The following SGMS1 variants were observed in gnomAD, a reference collection of about 807,000 sequenced individuals.
SGMS1 encodes the protein phosphatidylcholine:ceramide cholinephosphotransferase 1.
In SGMS1, 13 loss-of-function variants were observed where a neutral mutation model predicts 46.2. That is an observed-to-expected ratio of 0.28 (90% CI 0.18 to 0.45). The LOEUF (loss-of-function observed/expected upper bound fraction) is 0.45. SGMS1 is among the 20% of genes least tolerant of loss of function. The pLI is 1.00. For missense variants in SGMS1, 324 were observed against 519.9 expected (o/e 0.62, Z 3.66); for synonymous variants, 203 against 187.8 (o/e 1.08, Z -0.66).
chr10:50,601,695 A>G (rs1453920552), intron 1 of SGMS1, among the ~76,000 whole-genome samples: 1 of 152,202 alleles, frequency 6.6e-6, no homozygotes, highest in Non-Finnish European at 1.5e-5. Context: ...AGGGCCTAAC[A>G]CTACTCATCA....
intron 1 of SGMS1, among the ~76,000 whole-genome samples, chr10:50,613,084 C>A (rs1252974094): frequency 6.6e-6 from 1 of 152,206 alleles, no homozygotes; most frequent in Non-Finnish European, 1.5e-5. Context: ...AGGCTTGTCT[C>A]TGCTGTCAGG....
At chr10:50,455,116 G>GATATTCTAGTGAA (rs1837175215) in intron 5 of SGMS1, among the ~76,000 whole-genome samples, 1 of 152,094 alleles carries the variant, frequency 6.6e-6, no homozygotes, top group African/African-American at 2.4e-5. Flanking sequence ...CAGGCATGAG[G>GATATTCTAGTGAA]TAGAGATATT....
At chr10:50,313,600 T>C (rs1847293046) in intron 8 of SGMS1, among the ~76,000 whole-genome samples, 1 of 152,266 alleles carries the variant, frequency 6.6e-6, no homozygotes, top group South Asian at 2.1e-4. Context: ...AGTTCTGTTA[T>C]AACAATGGAT....
At position 50,488,507 on chromosome 10, in the gene SGMS1, C is replaced by T. The variant is rs1025928621; in HGVS notation, c.-497-21575G>A. On this transcript the variant is annotated intron_variant, in intron 3 of 10. Coordinates refer to ENST00000361781, the MANE Select transcript of SGMS1 (RefSeq NM_147156.4). Reference sequence around the variant, plus strand: ...TTTATTCTTTTGAAGAAATTAATATCGGGCTTTTTAATCAGTGGTCTCTCT... The same window carrying T: ...TTTATTCTTTTGAAGAAATTAATATTGGGCTTTTTAATCAGTGGTCTCTCT... 3.3e-5 allele frequency among the ~76,000 whole-genome samples: 5 copies of T among 152,130 alleles called. No individual in the cohort carries two copies. The East Asian group carries it at 5.8e-4, about 18-fold the overall frequency.
intron 6 of SGMS1, among the ~76,000 whole-genome samples, chr10:50,391,334 G>T (rs758023343): frequency 6.6e-5 from 10 of 152,098 alleles, no homozygotes; most frequent in Non-Finnish European, 8.8e-5. Flanking sequence ...TGTGGGACTT[G>T]AACATGATAA....
At chr10:50,471,020 C>T (rs552685385) in intron 3 of SGMS1, among the ~76,000 whole-genome samples, 1 of 151,968 alleles carries the variant, frequency 6.6e-6, no homozygotes, top group Non-Finnish European at 1.5e-5. Flanking sequence ...CATAAAAATT[C>T]CCAAGAAATA....
chr10:50,624,630 C>T (rs1463062566), upstream of SGMS1: 1 of 985,242 alleles, frequency 1.0e-6, no homozygotes, highest in Non-Finnish European at 1.2e-6. Flanking sequence ...CTCCGAGCTG[C>T]GGCGAAAACC....
intron 1 of SGMS1, among the ~76,000 whole-genome samples, chr10:50,620,385 G>A (rs1838838005): frequency 6.6e-6 from 1 of 152,218 alleles, no homozygotes; most frequent in African/African-American, 2.4e-5. Flanking sequence ...CTCCAGAAGA[G>A]ACTGTTATGG....
At chr10:50,461,534 CT>C (rs1837264308) in intron 4 of SGMS1, among the ~76,000 whole-genome samples, 1 of 151,624 alleles carries the variant, frequency 6.6e-6, no homozygotes, top group African/African-American at 2.4e-5. Flanking sequence ...CTTTTTTTTC[CT>C]GTGATAATCT....
intron 6 of SGMS1, among the ~76,000 whole-genome samples, chr10:50,403,992 G>A (rs767599043): frequency 9.9e-5 from 15 of 151,776 alleles, no homozygotes; most frequent in African/African-American, 2.2e-4. Context: ...AAAGATAGAC[G>A]GTAACATGGG....
Position 50,343,850 on chromosome 10 carries a change from C to T in SGMS1, c.265G>A (p.Val89Ile), listed in dbSNP as rs760832061. Reference sequence around the variant, plus strand: ...CTGCCGTCGGGGGTGGGGATGTCTACGCCAATGTTGAGGTGCCCATTGGCA... The same window carrying T: ...CTGCCGTCGGGGGTGGGGATGTCTATGCCAATGTTGAGGTGCCCATTGGCA... The part of the protein sequence containing the change: ...GHANGHLNIG[V>I]DIPTPDGSFS... Residue 89 changes from valine (V) to isoleucine (I), a missense_variant, in exon 7 of 11, where the codon GTA (valine) becomes ATA (isoleucine). This residue lies in a region of SGMS1 where 150 missense variants were observed against 169.8 expected (regional missense o/e 0.88). Transcript: ENST00000361781. 41 of 1,614,142 alleles carry T rather than the reference C, an allele frequency of 2.5e-5. 1 individual carries two copies. Among genetic ancestry groups the T allele is most frequent in the African/African-American group, 1.6e-4 (12 of 75,016 alleles).
chr10:50,558,428 C>A (rs1468565118), intron 2 of SGMS1, among the ~76,000 whole-genome samples: 1 of 152,174 alleles, frequency 6.6e-6, no homozygotes, highest in Non-Finnish European at 1.5e-5. Context: ...TTACTCCTGG[C>A]TGCTTAAATT....
chr10:50,517,473 T>C (rs2133783235), intron 3 of SGMS1, among the ~76,000 whole-genome samples: 1 of 152,140 alleles, frequency 6.6e-6, no homozygotes, highest in Admixed American at 6.6e-5. Context: ...AAAAGCTAAA[T>C]CTTAAATTAC....
chr10:50,356,421 G>GAAGGC (rs1243991625), intron 6 of SGMS1, among the ~76,000 whole-genome samples: 2 of 152,124 alleles, frequency 1.3e-5, no homozygotes, highest in Admixed American at 1.3e-4. Flanking sequence ...AAACACTGCG[G>GAAGGC]AAGGCGGAAG....
intron 6 of SGMS1, among the ~76,000 whole-genome samples, chr10:50,358,451 A>G (rs1276805808): frequency 6.6e-6 from 1 of 152,190 alleles, no homozygotes; most frequent in Non-Finnish European, 1.5e-5. Context: ...TGGCTCACAC[A>G]TTTTGGGAGG....
intron 1 of SGMS1, among the ~76,000 whole-genome samples, chr10:50,622,717 C>T (rs750421277): frequency 6.6e-6 from 1 of 152,244 alleles, no homozygotes; most frequent in South Asian, 2.1e-4. Context: ...TCTCTTCGCT[C>T]CCTCCGGCCA....
At chr10:50,598,925 T>C (rs1838622176) in intron 1 of SGMS1, among the ~76,000 whole-genome samples, 1 of 152,048 alleles carries the variant, frequency 6.6e-6, no homozygotes, top group Admixed American at 6.6e-5. Flanking sequence ...AAAAATAGTA[T>C]ACATCTGCAC....
intron 5 of SGMS1, among the ~76,000 whole-genome samples, chr10:50,436,505 GAAT>G (rs2133626058): frequency 6.6e-6 from 1 of 151,638 alleles, no homozygotes; most frequent in African/African-American, 2.4e-5. Context: ...GGTATCACTG[GAAT>G]ATAAGCAATT....
At chr10:50,430,380 C>T (rs962434033) in intron 6 of SGMS1, among the ~76,000 whole-genome samples, 14 of 148,932 alleles carry the variant, frequency 9.4e-5, no homozygotes, top group Admixed American at 3.4e-4. Context: ...CAACTGAAGC[C>T]GATTTCAAAA....
Sources: allele counts gnomAD v4.1 joint callset (sites outside exome capture counted in the v4.1 genomes callset), GRCh38; gene constraint gnomAD v4.1.1; regional missense constraint gnomAD v4.1.1; transcripts MANE v1.5; gene names NCBI Gene and HGNC (gene_info 2026-07-23, HGNC 2026-07-21).